BTC: variants seen among roughly 807,000 people sequenced by gnomAD.
The protein encoded by BTC is betacellulin, also known as probetacellulin.
In BTC, 13 loss-of-function variants were observed where a neutral mutation model predicts 18.1. The observed-to-expected ratio is 0.72, with a 90% CI of 0.47 to 1.14. BTC has a LOEUF of 1.14. BTC is among the 50% of genes most tolerant of loss of function. The pLI, the probability that BTC is intolerant of heterozygous loss-of-function variation, is 0.00. For missense variants in BTC, 247 were observed against 224.2 expected (o/e 1.10, Z -0.65); for synonymous variants, 83 against 79.4 (o/e 1.05, Z -0.24).
At chr4:74,781,707 T>C (rs1304623765) in intron 1 of BTC, among the ~76,000 whole-genome samples, 1 of 152,104 alleles carries the variant, frequency 6.6e-6, no homozygotes, top group African/African-American at 2.4e-5. Flanking sequence ...TTCACTTTTT[T>C]TTGTCATGGT....
intron 2 of BTC, among the ~76,000 whole-genome samples, chr4:74,762,577 A>C (rs1724789430): frequency 6.6e-6 from 1 of 152,148 alleles, no homozygotes; most frequent in African/African-American, 2.4e-5. Context: ...AAATAAAGGA[A>C]GGAAAGGAGG....
intron 2 of BTC, among the ~76,000 whole-genome samples, chr4:74,767,580 A>C (rs558219441): frequency 9.2e-5 from 14 of 152,202 alleles, no homozygotes; most frequent in Non-Finnish European, 1.8e-4. Flanking sequence ...CAAATTTAAA[A>C]TTCAAAGGAA....
intron 4 of BTC, among the ~76,000 whole-genome samples, chr4:74,748,601 T>C (rs1283579262): frequency 6.6e-6 from 1 of 152,152 alleles, no homozygotes; most frequent in Non-Finnish European, 1.5e-5. Context: ...ATAGGTATAA[T>C]AGGCAACAGT....
At chr4:74,788,656 A>G (rs78089106) in intron 1 of BTC, among the ~76,000 whole-genome samples, 5,360 of 152,294 alleles carry the variant, frequency 0.035, 148 homozygotes, top group East Asian at 0.13. Context: ...TGCCTTCCTC[A>G]CTATCACGTG....
At chr4:74,785,383 A>C (rs1207290798) in intron 1 of BTC, among the ~76,000 whole-genome samples, 1 of 151,870 alleles carries the variant, frequency 6.6e-6, no homozygotes. Context: ...TCCTGGATTT[A>C]TTGATTTCTT....
At chr4:74,749,678 AGTT>A (rs1249514853) in intron 4 of BTC, among the ~76,000 whole-genome samples, 2 of 90,632 alleles carry the variant, frequency 2.2e-5, no homozygotes, top group African/African-American at 8.7e-5. Flanking sequence ...TTAATAAGAT[AGTT>A]TTTTTTGTTG....
At chr4:74,784,213 CAGAG>C (rs1243620419) in intron 1 of BTC, among the ~76,000 whole-genome samples, 4 of 132,178 alleles carry the variant, frequency 3.0e-5, no homozygotes, top group African/African-American at 1.2e-4. Flanking sequence ...GGCTGGTTGA[CAGAG>C]AGAGATTCTC....
chr4:74,784,877 A>T (rs1224860888), intron 1 of BTC, among the ~76,000 whole-genome samples: 1 of 152,058 alleles, frequency 6.6e-6, no homozygotes, highest in Non-Finnish European at 1.5e-5. Flanking sequence ...ATTGGCCTGA[A>T]GTTTTCTTTT....
Position 74,750,624 on chromosome 4 carries a change from G to T in BTC, c.377C>A (p.Ala126Glu). ...CAAAATAATAAAAACTACCATAACTGCTATCAAACAAATCACCAGAATCTG... is the reference window on the plus strand; with the variant it reads ...CAAAATAATAAAAACTACCATAACTTCTATCAAACAAATCACCAGAATCTG... ...RGQILVICLI[A>E]VMVVFIILVI... Residue 126 changes from alanine (A) to glutamate (E), a missense_variant, in exon 4 of 6, where the codon GCA becomes GAA. Ala to Glu is a moderately radical substitution (Grantham distance 107). Transcript: ENST00000395743. 1 of 1,613,844 alleles carries T rather than the reference G, an allele frequency of 6.2e-7. No homozygotes were observed. Among genetic ancestry groups the T allele is most frequent in the South Asian group, 1.1e-5 (1 of 91,054 alleles).
chr4:74,751,221 G>A (rs1424009387), intron 3 of BTC, among the ~76,000 whole-genome samples: 1 of 152,174 alleles, frequency 6.6e-6, no homozygotes, highest in African/African-American at 2.4e-5. Context: ...ATAAACGTTA[G>A]ATAGAGAGAA....
At chr4:74,749,720 C>T (rs1553955929) in intron 4 of BTC, among the ~76,000 whole-genome samples, 2 of 65,800 alleles carry the variant, frequency 3.0e-5, no homozygotes, top group Non-Finnish European at 6.6e-5. Flanking sequence ...TTTTTGGTAG[C>T]ATACTTGGTG....
intron 3 of BTC, among the ~76,000 whole-genome samples, chr4:74,752,905 TAAC>T (rs782594892): frequency 1.8e-4 from 28 of 152,230 alleles, no homozygotes; most frequent in Non-Finnish European, 7.3e-5. Flanking sequence ...ATTGGTGGCT[TAAC>T]AATGCTTTAA....
intron 3 of BTC, among the ~76,000 whole-genome samples, chr4:74,752,999 G>A (rs1724505274): frequency 6.6e-6 from 1 of 152,152 alleles, no homozygotes; most frequent in Admixed American, 6.5e-5. Flanking sequence ...TAACATAGCT[G>A]GTTATAGTGG....
chr4:74,783,018 G>A (rs942483383), intron 1 of BTC, among the ~76,000 whole-genome samples: 1 of 152,164 alleles, frequency 6.6e-6, no homozygotes, highest in Non-Finnish European at 1.5e-5. Context: ...CAGATTGATA[G>A]ATTGCAAAAT....
chr4:74,790,546 G>T (rs1725596535), intron 1 of BTC, among the ~76,000 whole-genome samples: 1 of 152,112 alleles, frequency 6.6e-6, no homozygotes. Flanking sequence ...TTCAGTAATT[G>T]CCATGTGGGT....
chr4:74,756,499 C>T (rs1464112110), intron 2 of BTC, among the ~76,000 whole-genome samples: 5 of 152,170 alleles, frequency 3.3e-5, no homozygotes, highest in Non-Finnish European at 5.9e-5. Flanking sequence ...GCACAAAGCA[C>T]GATACATGGA....
At chr4:74,778,384 G>T (rs1346168859) in intron 1 of BTC, among the ~76,000 whole-genome samples, 2 of 152,086 alleles carry the variant, frequency 1.3e-5, no homozygotes, top group Non-Finnish European at 2.9e-5. Flanking sequence ...CAGACTAAGG[G>T]ATTACCACTT....
At chr4:74,753,636 A>C (rs1724520143) in intron 3 of BTC, among the ~76,000 whole-genome samples, 1 of 152,170 alleles carries the variant, frequency 6.6e-6, no homozygotes, top group African/African-American at 2.4e-5. Flanking sequence ...CTGGTTCCTC[A>C]AGACAGTGTT....
In BTC at chr4:74,748,155, A is replaced by C. The variant is rs782252006; in HGVS notation, c.429-6T>G. ...TACGACGTTTCCGAAGAGGGCTTGG[A>C]AAATACGTGTTAGAAGTTAGTATGG... is the stretch of plus-strand genomic sequence containing the variant. On this transcript the variant is annotated splice_polypyrimidine_tract_variant and splice_region_variant and intron_variant, in intron 4 of 5. Coordinates refer to ENST00000395743, the MANE Select transcript of BTC (RefSeq NM_001729.4). The C allele has an allele frequency of 6.4e-7, 1 of 1,572,422 alleles. No individual in the cohort carries two copies. The highest frequency in any genetic ancestry group is 8.7e-7 in the Non-Finnish European group (1 of 1,150,326).
Sources: gnomAD v4.1 joint callset for allele counts (sites outside exome capture counted in the v4.1 genomes callset) on GRCh38, gnomAD v4.1.1 for gene constraint, MANE v1.5 for transcripts, NCBI Gene and HGNC (gene_info 2026-07-23, HGNC 2026-07-21) for gene names.